SRSF1: variants seen among roughly 807,000 people sequenced by gnomAD.
SRSF1 encodes serine/arginine-rich splicing factor 1.
In SRSF1, 1 loss-of-function variant was observed where a neutral mutation model predicts 25.9. The observed-to-expected ratio is 0.04, with a 90% CI of 0.01 to 0.18. SRSF1 has a LOEUF of 0.18. Among genes scored for constraint, SRSF1 ranks in the 10% least tolerant of loss-of-function variants. SRSF1 has a pLI of 1.00. For missense variants in SRSF1, 65 were observed against 350.5 expected (o/e 0.19, Z 6.50); for synonymous variants, 132 against 126.2 (o/e 1.05, Z -0.31).
downstream of SRSF1, among the ~76,000 whole-genome samples, chr17:57,999,675 A>G (rs2075378442): frequency 6.6e-6 from 1 of 152,194 alleles, no homozygotes; most frequent in Non-Finnish European, 1.5e-5. Context: ...TTTGTGTTAT[A>G]GCTCCCTCTA....
chr17:58,007,215 C>G lies in SRSF1; in HGVS notation c.-78G>C, dbSNP rs972789880. The stretch of plus-strand genomic sequence containing the variant: ...GCACGGCAGAGCGAGCCCGCAGCGG[C>G]ACCACGTCTCCCGCGGCCCCTCCAA... On this transcript the variant is annotated 5_prime_UTR_variant, in exon 1 of 4. Transcript: ENST00000258962. 2.8e-5 allele frequency: 43 copies of G among 1,542,870 alleles called. No individual in the cohort carries two copies. The East Asian group carries it at 9.7e-4, about 35-fold the overall frequency.
chr17:57,991,940 CCCATTTTCCTAGTAGACA>C, the SRSF1 span: 1 of 152,236 alleles, frequency 6.6e-6, no homozygotes, highest in Non-Finnish European at 1.5e-5. Context: ...AACAAATCTA[CCCATTTTCCTAGTAGACA>C]CTGAATTCAG....
the SRSF1 span, among the ~76,000 whole-genome samples, chr17:57,995,755 G>A: frequency 6.6e-6 from 1 of 152,216 alleles, no homozygotes; most frequent in African/African-American, 2.4e-5. Context: ...CACAAGATCT[G>A]GATTCAAGTT....
Position 58,005,642 on chromosome 17 carries a change from T to C in SRSF1, c.553-42A>G, listed in dbSNP as rs747314123. On this transcript the variant is annotated intron_variant, in intron 3 of 3. Coordinates refer to ENST00000258962, the MANE Select transcript of SRSF1 (RefSeq NM_006924.5). The surrounding 1 kb of genome is among the most constrained non-coding windows in gnomAD (Gnocchi z 5.2). ...ACTTTCCATTGAAAGATCTAAGCTT[T>C]CATCTATCTTCAGACATGCTGAATG... 1.9e-6 allele frequency: 3 copies of C among 1,611,188 alleles called. No homozygotes were observed. The highest frequency in any genetic ancestry group is 1.7e-5 in the Admixed American group (1 of 59,794).
In SRSF1 at chr17:58,004,730, C is replaced by A. The variant is rs1041784790; in HGVS notation, c.*676G>T. On this transcript the variant is annotated 3_prime_UTR_variant, in exon 4 of 4. Coordinates refer to ENST00000258962, the MANE Select transcript of SRSF1 (RefSeq NM_006924.5). ...GGGGGGAAGGGAGCAAAATAAGTTGCTACAAAATGGGCAATATAATTTTGC... is the reference window on the plus strand; with the variant it reads ...GGGGGGAAGGGAGCAAAATAAGTTGATACAAAATGGGCAATATAATTTTGC... 3.5e-5 allele frequency: 13 copies of A among 368,530 alleles called. No individual in the cohort carries two copies. The highest frequency in any genetic ancestry group is 1.8e-4 in the Admixed American group (4 of 21,714). The allele number at this position is 368,530 out of a possible 1,614,324, so 22.8% of individuals were successfully genotyped here.
At chr17:57,991,765 T>C in the SRSF1 span, 34 of 151,798 alleles carry the variant, frequency 2.2e-4, no homozygotes, top group Non-Finnish European at 4.4e-4. Context: ...CTTTGACCCA[T>C]GTGGTCAGAA....
downstream of SRSF1, among the ~76,000 whole-genome samples, chr17:57,999,381 A>G (rs1239619613): frequency 6.6e-6 from 1 of 152,180 alleles, no homozygotes; most frequent in African/African-American, 2.4e-5. Context: ...CTGATGTACA[A>G]GGTAGGCAGA....
Position 58,006,973 on chromosome 17 carries a change from G to C in SRSF1, c.165C>G (p.Pro55=), listed in dbSNP as rs746359085. Residue 55 remains proline (P), a synonymous_variant, in exon 1 of 4, where the codon CCC becomes CCG. Coordinates refer to ENST00000258962, the MANE Select transcript of SRSF1 (RefSeq NM_006924.5). ...GGTCCTCGAACTCAACGAAGGCGAA[G>C]GGCGGTCCCCCGCGGCGATTCTTGA... The part of the protein sequence containing the change: ...IDLKNRRGGP[P]FAFVEFEDPR... 2.5e-6 allele frequency: 4 copies of C among 1,614,162 alleles called. No homozygotes were observed. The highest frequency in any genetic ancestry group is 3.4e-6 in the Non-Finnish European group (4 of 1,180,054).
chr17:57,991,384 G>T, the SRSF1 span: 1 of 152,154 alleles, frequency 6.6e-6, no homozygotes, highest in South Asian at 2.1e-4. Flanking sequence ...CCTGTCCCCA[G>T]CTAAGACTGC....
At chr17:57,993,517 A>G in the SRSF1 span, 2 of 152,104 alleles carry the variant, frequency 1.3e-5, no homozygotes, top group African/African-American at 2.4e-5. Context: ...CTCAGCATCT[A>G]CTCTTTAAGC....
chr17:57,992,713 T>C, the SRSF1 span: 2 of 152,362 alleles, frequency 1.3e-5, no homozygotes, highest in African/African-American at 4.8e-5. Context: ...CCAGATGTTC[T>C]TGTGAAGAGC....
the SRSF1 span, chr17:57,994,879 T>TA: frequency 3.9e-5 from 6 of 152,238 alleles, no homozygotes; most frequent in Non-Finnish European, 7.3e-5. Flanking sequence ...ACTGAGCACC[T>TA]ACTAAATGCC....
At position 58,001,251 on chromosome 17, in the gene SRSF1, CAA is replaced by C. The variant is rs763554742; in HGVS notation, c.*4153_*4154del. 1.3e-5 allele frequency among the ~76,000 whole-genome samples: 2 copies of C among 152,086 alleles called. No homozygotes were observed. The highest frequency in any genetic ancestry group is 2.9e-5 in the Non-Finnish European group (2 of 67,984). ...AGCCCTAATGACCAAGACAATGTTT[CAA>C]AGACAACAAACACCAAGAAAAGTTG... On this transcript the variant is annotated 3_prime_UTR_variant, in exon 4 of 4. Coordinates refer to ENST00000258962, the MANE Select transcript of SRSF1 (RefSeq NM_006924.5).
chr17:57,998,411 T>C (rs968834414), downstream of SRSF1, among the ~76,000 whole-genome samples: 12 of 152,126 alleles, frequency 7.9e-5, no homozygotes, highest in Non-Finnish European at 1.3e-4. Context: ...CAAAATGACA[T>C]ATAAAGACTC....
In SRSF1 at chr17:58,002,256, T is replaced by C. The variant is rs1169531280; in HGVS notation, c.*3150A>G. Among the ~76,000 whole-genome samples, 2 of 152,206 alleles carry C rather than the reference T, an allele frequency of 1.3e-5. No homozygotes were observed. The highest frequency in any genetic ancestry group is 4.8e-5 in the African/African-American group (2 of 41,458). ...CATCCTTAAACTTACACTAAGTACT[T>C]AGTGAAATTCTGCATTCAACTTAAC... On this transcript the variant is annotated 3_prime_UTR_variant, in exon 4 of 4. Transcript: ENST00000258962.
chr17:58,006,003 C>G, intron 2 of SRSF1, 30 bp from the exon 3 acceptor site: 1 of 1,593,412 alleles, frequency 6.3e-7, no homozygotes, highest in Non-Finnish European at 8.5e-7. Context: ...TTTCTTAGTA[C>G]CAATTATCTT....
the SRSF1 span, chr17:57,994,451 TCTC>T: frequency 6.6e-6 from 1 of 152,188 alleles, no homozygotes; most frequent in Non-Finnish European, 1.5e-5. Flanking sequence ...GTTCCAGTGA[TCTC>T]CTTAAAAATG....
chr17:57,996,598 T>C (rs183909867), downstream of SRSF1, among the ~76,000 whole-genome samples: 21 of 150,842 alleles, frequency 1.4e-4, no homozygotes, highest in African/African-American at 4.4e-4. Flanking sequence ...CACCTGCACA[T>C]ATAGCACTTT....
downstream of SRSF1, among the ~76,000 whole-genome samples, chr17:57,997,174 TTTGGTCTTACAA>T (rs754002099): frequency 1.3e-5 from 2 of 152,220 alleles, no homozygotes; most frequent in Non-Finnish European, 2.9e-5. Context: ...AACCACTTAC[TTTGGTCTTACAA>T]TTGGTCTTAC....
Sources: allele counts gnomAD v4.1 joint callset (sites outside exome capture counted in the v4.1 genomes callset), GRCh38; gene constraint gnomAD v4.1.1; non-coding constraint Gnocchi (gnomAD v3.1); transcripts MANE v1.5; gene names NCBI Gene and HGNC (gene_info 2026-07-23, HGNC 2026-07-21).